LRRC8C: variants seen among roughly 807,000 people sequenced by gnomAD.
LRRC8C encodes volume-regulated anion channel subunit LRRC8C.
A neutral mutation model predicts 55.3 loss-of-function variants in LRRC8C; 20 were observed. The observed-to-expected ratio is 0.36, with a 90% CI of 0.25 to 0.53. The LOEUF is 0.53. Ranked by LOEUF, LRRC8C falls within the 20% of genes least tolerant of loss-of-function variation. The pLI is 0.92. For missense variants in LRRC8C, 659 were observed against 951.4 expected (o/e 0.69, Z 4.04); for synonymous variants, 376 against 360.7 (o/e 1.04, Z -0.48).
At chr1:89,683,076 G>T (rs1018658780) in intron 1 of LRRC8C, among the ~76,000 whole-genome samples, 17 of 152,260 alleles carry the variant, frequency 1.1e-4, no homozygotes, top group African/African-American at 3.6e-4. Flanking sequence ...TGGAAAACTT[G>T]TGATCACCAC....
rs903172520 is a variant in LRRC8C, at chr1:89,657,996, G to T, written c.-5+24674G>T. Among the ~76,000 whole-genome samples the T allele has an allele frequency of 4.5e-4, 69 of 152,102 alleles. 2 individuals carry two copies. ...GTGTAACTTTACATTTACTCAGCTT[G>T]ACTATGATTTGTTTTTTTATTGAAA... is the stretch of plus-strand genomic sequence containing the variant. On this transcript the variant is annotated intron_variant, in intron 1 of 2. Coordinates refer to ENST00000370454, the MANE Select transcript of LRRC8C (RefSeq NM_032270.5).
intron 2 of LRRC8C, among the ~76,000 whole-genome samples, chr1:89,705,264 G>C (rs566273606): frequency 3.3e-5 from 4 of 121,058 alleles, no homozygotes; most frequent in Admixed American, 9.9e-5. Flanking sequence ...CACACTCTGG[G>C]GACTGTTGTG....
Position 89,659,061 on chromosome 1 carries a change from T to TTTGTGTG in LRRC8C, c.-5+25740_-5+25741insTGTGTGT, listed in dbSNP as rs1294718324. Among the ~76,000 whole-genome samples the TTTGTGTG allele has an allele frequency of 5.9e-4, 32 of 53,982 alleles. 1 individual carries two copies. Among genetic ancestry groups the TTTGTGTG allele is most frequent in the African/African-American group, 1.9e-3 (31 of 15,936 alleles). The allele number at this position is 53,982 out of a possible 152,430, so 35.4% of individuals were successfully genotyped here. A position where few individuals can be genotyped will look rare whatever the true frequency, so the allele number is the denominator to read the frequency against. On this transcript the variant is annotated intron_variant, in intron 1 of 2. Transcript: ENST00000370454. ...TGTCTTCTCCAGGTTTTTTTTTTTT[T>TTTGTGTG]TGTGTGTGTGTGTGTGTGTGTGTGT...
Position 89,714,745 on chromosome 1 carries a change from C to G in LRRC8C, c.2175C>G (p.Leu725=). 6.2e-7 allele frequency: 1 copy of G among 1,613,906 alleles called. No individual in the cohort carries two copies. The highest frequency in any genetic ancestry group is 8.5e-7 in the Non-Finnish European group (1 of 1,179,914). Residue 725 remains leucine, a synonymous_variant, in exon 3 of 3, where the codon CTC becomes CTG. Transcript: ENST00000370454. This position sits in a 1 kb window ranked among gnomAD's most constrained non-coding sequence, Gnocchi z 4.6. The stretch of plus-strand genomic sequence containing the variant: ...AAGTGGAAAGCCTTCCAGATGAACT[C>G]TACTTCTGCAAGAAACTTAAAACTC... ...CNKVESLPDE[L]YFCKKLKTLK...
At chr1:89,661,969 A>G (rs2101216061) in intron 1 of LRRC8C, among the ~76,000 whole-genome samples, 1 of 152,292 alleles carries the variant, frequency 6.6e-6, no homozygotes. Context: ...AGCCCTGCAG[A>G]TACCAGGAAG....
intron 1 of LRRC8C, among the ~76,000 whole-genome samples, chr1:89,679,206 T>C (rs916055855): frequency 6.6e-6 from 1 of 152,034 alleles, no homozygotes; most frequent in African/African-American, 2.4e-5. Flanking sequence ...TGGTGTCCTT[T>C]AAAAGCCAAG....
At chr1:89,667,133 G>A (rs999639495) in intron 1 of LRRC8C, among the ~76,000 whole-genome samples, 3 of 152,124 alleles carry the variant, frequency 2.0e-5, no homozygotes, top group African/African-American at 7.2e-5. Flanking sequence ...GTGGCAGAAT[G>A]CTCCTTGCTG....
At chr1:89,621,296 TAAAAAAA>T in the LRRC8C span, among the ~76,000 whole-genome samples, 5 of 123,840 alleles carry the variant, frequency 4.0e-5, no homozygotes, top group Non-Finnish European at 7.0e-5. Flanking sequence ...CCGTCTCTAC[TAAAAAAA>T]AAAAAAAAAA....
chr1:89,619,089 C>T, the LRRC8C span, among the ~76,000 whole-genome samples: 2 of 152,148 alleles, frequency 1.3e-5, no homozygotes, highest in African/African-American at 4.8e-5. Flanking sequence ...GAACACATAA[C>T]ACTGGTGTGT....
At chr1:89,697,085 C>T (rs1262087966) in intron 2 of LRRC8C, among the ~76,000 whole-genome samples, 2 of 152,120 alleles carry the variant, frequency 1.3e-5, no homozygotes, top group Admixed American at 1.3e-4. Flanking sequence ...AACTGCAAGC[C>T]TTCTATGATG....
chr1:89,709,430 C>T (rs935992998), intron 2 of LRRC8C, among the ~76,000 whole-genome samples: 1 of 152,168 alleles, frequency 6.6e-6, no homozygotes, highest in Non-Finnish European at 1.5e-5. Context: ...GGACATAACC[C>T]CAAGTGCACA....
chr1:89,654,114 A>G (rs1346770793), intron 1 of LRRC8C, among the ~76,000 whole-genome samples: 2 of 152,230 alleles, frequency 1.3e-5, no homozygotes, highest in Admixed American at 1.3e-4. Context: ...TTTGATGGAT[A>G]GACATGATAG....
At chr1:89,698,226 A>G (rs553766118) in intron 2 of LRRC8C, among the ~76,000 whole-genome samples, 1 of 152,306 alleles carries the variant, frequency 6.6e-6, no homozygotes, top group South Asian at 2.1e-4. Context: ...TCATGTCAGA[A>G]GAAGGTAGCT....
intron 1 of LRRC8C, among the ~76,000 whole-genome samples, chr1:89,680,693 T>A (rs1267016739): frequency 6.6e-6 from 1 of 152,040 alleles, no homozygotes; most frequent in Non-Finnish European, 1.5e-5. Flanking sequence ...CATGAGTAGC[T>A]GTGATTATAG....
At chr1:89,631,220 TA>T (rs1656098403), upstream of LRRC8C, among the ~76,000 whole-genome samples, 1 of 152,118 alleles carries the variant, frequency 6.6e-6, no homozygotes, top group Non-Finnish European at 1.5e-5. Flanking sequence ...TGTAGTACTA[TA>T]CCTATAGGGA....
intron 1 of LRRC8C, among the ~76,000 whole-genome samples, chr1:89,656,916 A>G (rs890015156): frequency 1.3e-5 from 2 of 152,162 alleles, no homozygotes; most frequent in African/African-American, 4.8e-5. Context: ...GTAGTTGACA[A>G]TTTTCACATT....
At chr1:89,646,610 C>T (rs528084275) in intron 1 of LRRC8C, among the ~76,000 whole-genome samples, 1 of 152,108 alleles carries the variant, frequency 6.6e-6, no homozygotes, top group African/African-American at 2.4e-5. Context: ...TTCTATCAAT[C>T]TCATACACAT....
upstream of LRRC8C, among the ~76,000 whole-genome samples, chr1:89,628,802 G>C (rs569248890): frequency 6.6e-6 from 1 of 152,202 alleles, no homozygotes; most frequent in African/African-American, 2.4e-5. Context: ...GAGAAGATTA[G>C]AGTAAAATGT....
At chr1:89,700,409 G>A (rs1260194158) in intron 2 of LRRC8C, among the ~76,000 whole-genome samples, 2 of 152,188 alleles carry the variant, frequency 1.3e-5, no homozygotes, top group Non-Finnish European at 2.9e-5. Context: ...GCAAATACTG[G>A]CTATGCCTCT....
Sources: gnomAD v4.1 joint callset for allele counts (sites outside exome capture counted in the v4.1 genomes callset) on GRCh38, gnomAD v4.1.1 for gene constraint, Gnocchi (gnomAD v3.1) non-coding constraint, MANE v1.5 for transcripts, NCBI Gene and HGNC (gene_info 2026-07-23, HGNC 2026-07-21) for gene names.